Variants in TNRC6C observed in about 807,000 individuals in gnomAD.
The protein encoded by TNRC6C is trinucleotide repeat containing adaptor 6C.
TNRC6C carries 20 observed loss-of-function variants against 153.7 expected under a neutral mutation model. The ratio of observed to expected loss-of-function variants is 0.13; its 90% CI spans 0.09 to 0.19. The LOEUF (loss-of-function observed/expected upper bound fraction) is 0.19. Ranked by LOEUF, TNRC6C falls within the 10% of genes least tolerant of loss-of-function variation. The pLI, the probability that TNRC6C is intolerant of heterozygous loss-of-function variation, is 1.00. For synonymous variants in TNRC6C, 811 were observed against 841.4 expected (o/e 0.96, Z 0.63); for missense variants, 1,987 against 2,172.0 (o/e 0.91, Z 1.69).
At position 78,005,099 on chromosome 17, in the gene TNRC6C, G is replaced by A; in HGVS notation, c.-546+20G>A. The A allele has an allele frequency of 1.6e-6, 2 of 1,227,790 alleles. No individual in the cohort carries two copies. Among genetic ancestry groups the A allele is most frequent in the South Asian group, 4.1e-5 (1 of 24,220 alleles). 76.1% of individuals were successfully genotyped at this position (1,227,790 alleles called of 1,614,324 possible). A position where few individuals can be genotyped will look rare whatever the true frequency, so the allele number is the denominator to read the frequency against. On this transcript the variant is annotated intron_variant, in intron 1 of 19. Coordinates refer to ENST00000301624, the Ensembl canonical transcript of TNRC6C. ...CCAAAGGTAAGTTTATTTATATTTAGGGGGGTACATTTATGGCGGTACCAA... is the reference window on the plus strand; with the variant it reads ...CCAAAGGTAAGTTTATTTATATTTAAGGGGGTACATTTATGGCGGTACCAA...
intron 1 of TNRC6C, among the ~76,000 whole-genome samples, chr17:78,021,216 G>A (rs1350048264): frequency 6.6e-6 from 1 of 152,252 alleles, no homozygotes. Flanking sequence ...TCAGAATGGT[G>A]AGCATGGACA....
chr17:78,048,350 T>C (rs1016177176), intron 2 of TNRC6C, among the ~76,000 whole-genome samples: 4 of 152,358 alleles, frequency 2.6e-5, no homozygotes, highest in African/African-American at 7.2e-5. Context: ...GGTTCTGTTA[T>C]GATTCTGCAA....
chr17:78,044,635 T>G (rs554616288), intron 2 of TNRC6C, among the ~76,000 whole-genome samples: 1 of 152,390 alleles, frequency 6.6e-6, no homozygotes, highest in South Asian at 2.1e-4. Context: ...TGGCAAGCTC[T>G]GGGCCCATGA....
chr17:78,013,775 A>G (rs905844736), intron 1 of TNRC6C, among the ~76,000 whole-genome samples: 2 of 152,210 alleles, frequency 1.3e-5, no homozygotes, highest in Non-Finnish European at 2.9e-5. Flanking sequence ...GAGAGGGAAC[A>G]GCATCTGTAA....
chr17:77,963,680 C>T (rs985981105), intron 1 of TNRC6C, among the ~76,000 whole-genome samples: 2 of 152,216 alleles, frequency 1.3e-5, no homozygotes, highest in Non-Finnish European at 2.9e-5. Flanking sequence ...TGTTCGCACT[C>T]TCCTGAGCCC....
At chr17:78,068,949 C>T (rs1407517392) in intron 5 of TNRC6C, among the ~76,000 whole-genome samples, 6 of 151,984 alleles carry the variant, frequency 3.9e-5, no homozygotes, top group Admixed American at 3.9e-4. Flanking sequence ...TCAAGTAGGT[C>T]ACAAACTTAA....
chr17:77,979,039 T>C (rs535043604), intron 1 of TNRC6C, among the ~76,000 whole-genome samples: 1 of 152,256 alleles, frequency 6.6e-6, no homozygotes, highest in African/African-American at 2.4e-5. Context: ...AGGCAGGCGA[T>C]AAGGTTACCC....
At chr17:78,018,503 T>C (rs779998276) in intron 1 of TNRC6C, among the ~76,000 whole-genome samples, 2 of 152,104 alleles carry the variant, frequency 1.3e-5, no homozygotes, top group African/African-American at 2.4e-5. Flanking sequence ...AAATATTTTC[T>C]AAATAAGGAG....
chr17:78,093,663 C>A (rs545514816), exon 16 of TNRC6C: 1 of 1,613,950 alleles, frequency 6.2e-7, no homozygotes, highest in Admixed American at 1.7e-5. Flanking sequence ...AGAATATTGA[C>A]CCTGAGAATG....
intron 1 of TNRC6C, among the ~76,000 whole-genome samples, chr17:77,965,731 A>G (rs1398310626): frequency 6.6e-6 from 1 of 152,244 alleles, no homozygotes; most frequent in Non-Finnish European, 1.5e-5. Context: ...CCACATACAC[A>G]TATTAAAAAG....
At chr17:77,974,946 A>G (rs575789556) in intron 1 of TNRC6C, among the ~76,000 whole-genome samples, 42 of 152,360 alleles carry the variant, frequency 2.8e-4, no homozygotes, top group African/African-American at 1.0e-3. Flanking sequence ...TGAGCAAGGG[A>G]AAAAACAATT....
exon 20 of TNRC6C, chr17:78,105,004 G>C: frequency 1.1e-6 from 1 of 929,166 alleles, no homozygotes; most frequent in Non-Finnish European, 1.4e-6. Context: ...CGAACTGTTC[G>C]CAAAACAGTG....
At chr17:77,990,686 C>CT (rs2071236862) in intron 1 of TNRC6C, among the ~76,000 whole-genome samples, 1 of 152,178 alleles carries the variant, frequency 6.6e-6, no homozygotes, top group Non-Finnish European at 1.5e-5. Flanking sequence ...AGGAAATTGT[C>CT]TGTCTTTCCC....
intron 18 of TNRC6C, among the ~76,000 whole-genome samples, chr17:78,103,030 C>T (rs1180786390): frequency 6.6e-6 from 1 of 152,182 alleles, no homozygotes; most frequent in Non-Finnish European, 1.5e-5. Context: ...TGGGGCTAGC[C>T]AGTCCCTTCC....
rs779628841 is a variant in TNRC6C, at chr17:78,049,719, G to C, written c.657G>C (p.Pro219=). 2 of 1,597,342 alleles carry C rather than the reference G, an allele frequency of 1.3e-6. No homozygotes were observed. Among genetic ancestry groups the C allele is most frequent in the Non-Finnish European group, 1.7e-6 (2 of 1,170,084 alleles). ...CTGTTGGTATGGGGGCCATCATCCC[G>C]CCCCACCTGCAAGGCCTTCCTGGTG... The change falls in exon 3 of 20, where the codon CCG becomes CCC. Residue 219 remains proline (P), a synonymous_variant. Coordinates refer to ENST00000301624, the Ensembl canonical transcript of TNRC6C. The surrounding 1 kb of genome is among the most constrained non-coding windows in gnomAD (Gnocchi z 4.1).
intron 16 of TNRC6C, 132 bp downstream of exon 18, chr17:78,093,895 C>T (rs2073436484): frequency 1.9e-6 from 2 of 1,035,506 alleles, no homozygotes; most frequent in Admixed American, 2.9e-5. Context: ...TTTCTAGTCA[C>T]CTGAAGCAGC....
chr17:78,102,626 G>C, intron 18 of TNRC6C, 82 bp downstream of exon 21: 10 of 1,414,232 alleles, frequency 7.1e-6, no homozygotes, highest in Non-Finnish European at 9.7e-6. Context: ...AGGCTGTCTG[G>C]TGGGGCAGGA....
At chr17:78,051,484 A>T (rs1430487289) in intron 3 of TNRC6C, 36 bp downstream of exon 5, 3 of 1,000,278 alleles carry the variant, frequency 3.0e-6, no homozygotes, top group East Asian at 4.7e-5. Context: ...TACAAGTAAA[A>T]AAAAAAAAAA....
chr17:77,978,911 T>G (rs1239102470), intron 1 of TNRC6C, among the ~76,000 whole-genome samples: 5 of 152,196 alleles, frequency 3.3e-5, no homozygotes, highest in Non-Finnish European at 7.3e-5. Context: ...TCTTAAATGC[T>G]TGTCAGAAGC....
Sources: gnomAD v4.1 joint callset for allele counts (sites outside exome capture counted in the v4.1 genomes callset) on GRCh38, gnomAD v4.1.1 for gene constraint, Gnocchi (gnomAD v3.1) non-coding constraint, MANE v1.5 for transcripts, NCBI Gene and HGNC (gene_info 2026-07-23, HGNC 2026-07-21) for gene names.